Variants in FAM234B observed in about 807,000 individuals in gnomAD.
FAM234B encodes family with sequence similarity 234 member B, also known as protein FAM234B.
Under a neutral mutation model 69.3 loss-of-function variants are expected in FAM234B, and 33 were observed. The observed-to-expected ratio is 0.48, with a 90% CI of 0.36 to 0.64. The LOEUF is 0.64. Ranked by LOEUF, FAM234B falls within the 30% of genes least tolerant of loss-of-function variation. The probability of loss-of-function intolerance (pLI) is 0.00; values close to 1 mark genes in which losing one functional copy is unlikely to be tolerated. For missense variants in FAM234B, 697 were observed against 769.7 expected, an observed-to-expected ratio of 0.91 and a Z score of 1.12; for synonymous variants, 306 against 306.9, an observed-to-expected ratio of 1.00 and a Z score of 0.03.
At chr12:13,075,448 T>TA (rs1555121816) in intron 10 of FAM234B, among the ~76,000 whole-genome samples, 5 of 149,546 alleles carry the variant, frequency 3.3e-5, no homozygotes, top group African/African-American at 1.2e-4. Context: ...TTTTTTTTTT[T>TA]ATTTTTTGAG....
intron 10 of FAM234B, among the ~76,000 whole-genome samples, chr12:13,073,731 C>T (rs1338941746): frequency 6.6e-6 from 1 of 152,214 alleles, no homozygotes; most frequent in East Asian, 1.9e-4. Context: ...AATTTTTCAA[C>T]CAGAATTACG....
intron 5 of FAM234B, among the ~76,000 whole-genome samples, chr12:13,065,595 T>C (rs1865027622): frequency 6.6e-6 from 1 of 152,244 alleles, no homozygotes; most frequent in African/African-American, 2.4e-5. Context: ...ACCAGTTTAT[T>C]TTTTTGTGGC....
intron 1 of FAM234B, among the ~76,000 whole-genome samples, chr12:13,045,220 CTTT>C (rs55882440): frequency 7.1e-6 from 1 of 140,148 alleles, no homozygotes; most frequent in Non-Finnish European, 1.6e-5. Context: ...GTTTTTTTTC[CTTT>C]TTTTTTTTTT....
intron 5 of FAM234B, 117 bp from the exon 6 acceptor site, chr12:13,066,523 T>C: frequency 8.7e-7 from 1 of 1,147,210 alleles, no homozygotes; most frequent in Non-Finnish European, 1.2e-6. Context: ...CTTTCCAACT[T>C]GGGGGAGTGT....
intron 3 of FAM234B, 69 bp from the exon 4 acceptor site, chr12:13,061,506 T>C (rs1382380886): frequency 8.7e-6 from 12 of 1,384,016 alleles, no homozygotes; most frequent in African/African-American, 1.4e-5. Flanking sequence ...TTTTCTGGCC[T>C]CTTGTTCATC....
intron 5 of FAM234B, among the ~76,000 whole-genome samples, chr12:13,065,422 G>A (rs1865026268): frequency 6.6e-6 from 1 of 152,056 alleles, no homozygotes; most frequent in Admixed American, 6.5e-5. Flanking sequence ...CATTTTATTT[G>A]TAGTATAATT....
rs939285123 is a variant in FAM234B, at chr12:13,083,420, T to C, written c.*2790T>C. On this transcript the variant is annotated 3_prime_UTR_variant, in exon 13 of 13. Coordinates refer to ENST00000197268, the MANE Select transcript of FAM234B (RefSeq NM_020853.2). ...GCACTATTTAAAATGTGAACTGTTATAGAGTAAATAAATAAATACTCTACA... is the reference window on the plus strand; with the variant it reads ...GCACTATTTAAAATGTGAACTGTTACAGAGTAAATAAATAAATACTCTACA... 6.6e-6 allele frequency: 1 copy of C among 152,562 alleles called. No homozygotes were observed. The highest frequency in any genetic ancestry group is 1.5e-5 in the Non-Finnish European group (1 of 68,028). The allele number at this position is 152,562 out of a possible 1,614,324, so 9.5% of individuals were successfully genotyped here. A position where few individuals can be genotyped will look rare whatever the true frequency, so the allele number is the denominator to read the frequency against.
rs1180667747 is a variant in FAM234B at position 13,049,522 on chromosome 12, TG to T, written c.37+5083del. Among the ~76,000 whole-genome samples the T allele has an allele frequency of 3.3e-5, 5 of 152,348 alleles. No individual in the cohort carries two copies. In the East Asian group the frequency reaches 9.6e-4, roughly 29 times the overall value. ...AGGGCTTGGAAGAGTGTAGGATAAG[TG>T]TTCAGAACTGCCAGCTGTAGTTATT... is the stretch of plus-strand genomic sequence containing the variant. On this transcript the variant is annotated intron_variant, in intron 1 of 12. Transcript: ENST00000197268.
intron 10 of FAM234B, among the ~76,000 whole-genome samples, chr12:13,073,714 C>T (rs1262096447): frequency 6.6e-6 from 1 of 152,194 alleles, no homozygotes. Context: ...AAAGTTCGCT[C>T]AACTTTAATT....
At chr12:13,061,231 C>T (rs1360351737) in intron 3 of FAM234B, among the ~76,000 whole-genome samples, 1 of 152,126 alleles carries the variant, frequency 6.6e-6, no homozygotes, top group Admixed American at 6.5e-5. Context: ...GCTGTAGGTA[C>T]AGAGATTAGT....
intron 11 of FAM234B, among the ~76,000 whole-genome samples, chr12:13,078,644 T>C (rs997935770): frequency 1.6e-4 from 25 of 152,192 alleles, no homozygotes; most frequent in African/African-American, 5.1e-4. Context: ...AAAACCCCAT[T>C]GTCTCAGCCC....
chr12:13,073,921 C>T lies in FAM234B; in HGVS notation c.1525-2105C>T, dbSNP rs150208383. On this transcript the variant is annotated intron_variant, in intron 10 of 12. Transcript: ENST00000197268. ...GTCCCTCGTGAAAATGAGCTATCCG[C>T]GTCTAAGCTGCTGATCTCTCTGGGG... is the stretch of plus-strand genomic sequence containing the variant. Among the ~76,000 whole-genome samples the T allele has an allele frequency of 1.6e-4, 24 of 152,318 alleles. No homozygotes were observed. The East Asian group carries it at 2.9e-3, about 18-fold the overall frequency.
At chr12:13,049,115 T>C (rs781777903) in intron 1 of FAM234B, among the ~76,000 whole-genome samples, 6 of 152,216 alleles carry the variant, frequency 3.9e-5, no homozygotes, top group Non-Finnish European at 1.5e-5. Flanking sequence ...AAGCCTCAGC[T>C]TCCTCATCTT....
rs74642570 is a variant in FAM234B at position 13,059,630 on chromosome 12, G to C, written c.532+1081G>C. Among the ~76,000 whole-genome samples the C allele has an allele frequency of 5.3e-5, 8 of 152,248 alleles. No individual in the cohort carries two copies. In the East Asian group the frequency reaches 1.5e-3, roughly 29 times the overall value. On this transcript the variant is annotated intron_variant, in intron 3 of 12. Transcript: ENST00000197268. ...CTAGTGACTGCTTTTAAGTCGTCTA[G>C]GCCTTGGAATACATGTCTAGGTGTG...
At chr12:13,080,039 TGAGGGTTTAGG>T in intron 12 of FAM234B, 30 bp downstream of exon 12, 1 of 1,510,842 alleles carries the variant, frequency 6.6e-7, no homozygotes, top group Non-Finnish European at 8.9e-7. Context: ...TTGTTCCTCT[TGAGGGTTTAGG>T]ACAAATACTA....
At chr12:13,052,084 T>C (rs185491901) in intron 1 of FAM234B, among the ~76,000 whole-genome samples, 2 of 152,310 alleles carry the variant, frequency 1.3e-5, no homozygotes, top group Admixed American at 1.3e-4. Flanking sequence ...AAATACCATA[T>C]CATATGTCTC....
Position 13,067,673 on chromosome 12 carries a change from A to G in FAM234B, c.1142+377A>G, listed in dbSNP as rs1473199864. ...TTAGTTGAAGCATCATTTTGACAGA[A>G]GCAAGGATAGTGTCCATGAAATCTT... On this transcript the variant is annotated intron_variant, in intron 7 of 12. Coordinates refer to ENST00000197268, the MANE Select transcript of FAM234B (RefSeq NM_020853.2). The surrounding 1 kb of genome is among the most constrained non-coding windows in gnomAD (Gnocchi z 4.7). 6.6e-6 allele frequency among the ~76,000 whole-genome samples: 1 copy of G among 152,200 alleles called. No individual in the cohort carries two copies. Among genetic ancestry groups the G allele is most frequent in the African/African-American group, 2.4e-5 (1 of 41,448 alleles).
At position 13,067,200 on chromosome 12, in the gene FAM234B, A is replaced by G; in HGVS notation, c.1046A>G (p.Gln349Arg). 6.2e-7 allele frequency: 1 copy of G among 1,614,060 alleles called. No homozygotes were observed. Among genetic ancestry groups the G allele is most frequent in the Admixed American group, 1.7e-5 (1 of 60,020 alleles). ...CTGCGGGACATTTTTGTTCAGGCCC[A>G]AAATCGAGACAGCTCACCACCTTCT... ...VALRDIFVQA[Q>R]NRDSSPPSLQ... The change falls in exon 7 of 13, where the codon CAA becomes CGA. Residue 349 changes from glutamine to arginine, a missense_variant. This residue lies in a region of FAM234B where 380 missense variants were observed against 447.1 expected (regional missense o/e 0.85). Coordinates refer to ENST00000197268, the MANE Select transcript of FAM234B (RefSeq NM_020853.2). This position sits in a 1 kb window ranked among gnomAD's most constrained non-coding sequence, Gnocchi z 4.7.
At chr12:13,045,676 T>C (rs569060231) in intron 1 of FAM234B, among the ~76,000 whole-genome samples, 16 of 152,286 alleles carry the variant, frequency 1.1e-4, no homozygotes, top group African/African-American at 3.8e-4. Flanking sequence ...ACTGATAGCA[T>C]CTGCCTTGGA....
Sources: allele counts gnomAD v4.1 joint callset (sites outside exome capture counted in the v4.1 genomes callset), GRCh38; gene constraint gnomAD v4.1.1; regional missense constraint gnomAD v4.1.1; non-coding constraint Gnocchi (gnomAD v3.1); transcripts MANE v1.5; gene names NCBI Gene and HGNC (gene_info 2026-07-23, HGNC 2026-07-21).